Variants in CEP63 observed in about 807,000 individuals in gnomAD.
CEP63 encodes centrosomal protein 63.
Under a neutral mutation model 89.1 loss-of-function variants are expected in CEP63, and 84 were observed. The ratio of observed to expected loss-of-function variants is 0.94; its 90% CI spans 0.79 to 1.13. CEP63 has a LOEUF of 1.13. Among genes scored for constraint, CEP63 ranks in the 50% most tolerant of loss-of-function variants. The pLI, the probability that CEP63 is intolerant of heterozygous loss-of-function variation, is 0.00. For synonymous variants in CEP63, 267 were observed against 272.5 expected (o/e 0.98, Z 0.20); for missense variants, 838 against 813.3 (o/e 1.03, Z -0.37).
chr3:134,497,933 G>A (rs115758906), intron 2 of CEP63, among the ~76,000 whole-genome samples: 2,168 of 152,180 alleles, frequency 0.014, 57 homozygotes, highest in African/African-American at 0.05. Flanking sequence ...GTATGTTTCT[G>A]CTTTTATACT....
rs374277023 is a variant in CEP63 at position 134,490,928 on chromosome 3, TAC to T, written c.-25-4366_-25-4365del. On this transcript the variant is annotated intron_variant, in intron 1 of 14. Transcript: ENST00000675561. ...GTATGTAGAGATTGTTATTCCTTTT[TAC>T]AGTTTCGTAGTACTCCATTGGTGGA... is the stretch of plus-strand genomic sequence containing the variant. Among the ~76,000 whole-genome samples the T allele has an allele frequency of 9.3e-4, 141 of 152,336 alleles. 1 individual carries two copies. Among genetic ancestry groups the T allele is most frequent in the African/African-American group, 3.3e-3 (139 of 41,574 alleles).
chr3:134,514,381 A>G (rs558373001), intron 3 of CEP63, among the ~76,000 whole-genome samples: 124 of 152,090 alleles, frequency 8.2e-4, no homozygotes, highest in African/African-American at 3.0e-3. Flanking sequence ...CCTGAAGGAG[A>G]AAAAAAATGA....
chr3:134,551,846 A>AAAATTCC lies in CEP63; in HGVS notation c.1381-78_1381-72dup. Reference sequence around the variant, plus strand: ...ATGAAGAATATGACTTAGCCTAATGAAAATTCCATGTGGAAAAATTTTGTA... The same window carrying AAAATTCC: ...ATGAAGAATATGACTTAGCCTAATGAAAATTCCAAATTCCATGTGGAAAAATTTTGTA... On this transcript the variant is annotated intron_variant, in intron 11 of 14. Transcript: ENST00000675561. 3 of 734,368 alleles carry AAAATTCC rather than the reference A, an allele frequency of 4.1e-6. No homozygotes were observed. The East Asian group carries it at 8.9e-5, about 22-fold the overall frequency. 45.5% of individuals were successfully genotyped at this position (734,368 alleles called of 1,614,324 possible).
chr3:134,672,362 T>C, the CEP63 span, among the ~76,000 whole-genome samples: 2 of 152,200 alleles, frequency 1.3e-5, no homozygotes, highest in African/African-American at 4.8e-5. Context: ...TTGTGACCAT[T>C]GTTACTTCTG....
At chr3:134,664,670 T>TTG in the CEP63 span, among the ~76,000 whole-genome samples, 686 of 131,088 alleles carry the variant, frequency 5.2e-3, 7 homozygotes, top group African/African-American at 0.019. Flanking sequence ...TTAAGCAGTT[T>TTG]TGTGTGTGTG....
the CEP63 span, among the ~76,000 whole-genome samples, chr3:134,775,728 C>T: frequency 6.6e-6 from 1 of 152,136 alleles, no homozygotes; most frequent in African/African-American, 2.4e-5. Context: ...GATTTCTTGA[C>T]ATTATATTCA....
chr3:134,683,655 G>A, the CEP63 span, among the ~76,000 whole-genome samples: 320 of 152,000 alleles, frequency 2.1e-3, 4 homozygotes, highest in Non-Finnish European at 6.9e-4. Flanking sequence ...TTCAGACATG[G>A]GGTTTGAATG....
At chr3:134,604,100 C>T in the CEP63 span, 13 of 1,612,348 alleles carry the variant, frequency 8.1e-6, no homozygotes, top group Admixed American at 2.2e-4. Context: ...ACATTAATGC[C>T]CTCCTCCACG....
At chr3:134,762,268 C>T in the CEP63 span, among the ~76,000 whole-genome samples, 7 of 152,232 alleles carry the variant, frequency 4.6e-5, no homozygotes, top group Admixed American at 1.3e-4. Context: ...GAATGGGCTT[C>T]GCTGAGGGTG....
the CEP63 span, among the ~76,000 whole-genome samples, chr3:134,671,149 C>G: frequency 9.9e-5 from 15 of 152,268 alleles, no homozygotes; most frequent in African/African-American, 3.6e-4. Context: ...TCTGACTACA[C>G]AGCCATAAAA....
At chr3:134,506,966 T>C in intron 2 of CEP63, 143 bp from the exon 3 acceptor site, 1 of 548,202 alleles carries the variant, frequency 1.8e-6, no homozygotes, top group Non-Finnish European at 3.2e-6. Flanking sequence ...TATTCTTTGC[T>C]TCTGGTAATT....
chr3:134,723,772 C>T, the CEP63 span, among the ~76,000 whole-genome samples: 1 of 152,304 alleles, frequency 6.6e-6, no homozygotes, highest in Non-Finnish European at 1.5e-5. Flanking sequence ...ATATAAAGGC[C>T]TCCCACCAGC....
the CEP63 span, among the ~76,000 whole-genome samples, chr3:134,691,333 G>A: frequency 6.7e-6 from 1 of 149,504 alleles, no homozygotes; most frequent in African/African-American, 2.5e-5. Flanking sequence ...ACTCTAGCCT[G>A]GGTGACAGAG....
chr3:134,603,995 T>G, the CEP63 span: 1 of 1,613,876 alleles, frequency 6.2e-7, no homozygotes, highest in South Asian at 1.1e-5. Flanking sequence ...AGCTGGACTT[T>G]CAGCTCGGTC....
At chr3:134,654,029 A>G in the CEP63 span, among the ~76,000 whole-genome samples, 1 of 152,202 alleles carries the variant, frequency 6.6e-6, no homozygotes, top group Non-Finnish European at 1.5e-5. Context: ...TTTTAATCAA[A>G]ATGAGTGGGA....
chr3:134,772,885 C>G, the CEP63 span, among the ~76,000 whole-genome samples: 1 of 152,184 alleles, frequency 6.6e-6, no homozygotes, highest in African/African-American at 2.4e-5. Flanking sequence ...CACTTGCAGA[C>G]CTTTGGGGCA....
chr3:134,776,473 C>A, the CEP63 span, among the ~76,000 whole-genome samples: 2 of 152,058 alleles, frequency 1.3e-5, no homozygotes, highest in African/African-American at 4.8e-5. Context: ...AATTTGGACC[C>A]GCTACATATC....
the CEP63 span, among the ~76,000 whole-genome samples, chr3:134,719,573 G>A: frequency 2.0e-5 from 3 of 152,012 alleles, no homozygotes; most frequent in Non-Finnish European, 4.4e-5. Context: ...CTAATTTTAG[G>A]TATTTTTTCT....
the CEP63 span, among the ~76,000 whole-genome samples, chr3:134,676,696 C>T: frequency 6.6e-6 from 1 of 152,142 alleles, no homozygotes; most frequent in East Asian, 1.9e-4. Flanking sequence ...AAACAGGATC[C>T]CATGATATCA....
Sources: gnomAD v4.1 joint callset for allele counts (sites outside exome capture counted in the v4.1 genomes callset) on GRCh38, gnomAD v4.1.1 for gene constraint, MANE v1.5 for transcripts, NCBI Gene and HGNC (gene_info 2026-07-23, HGNC 2026-07-21) for gene names.